CATSPERG: variants seen among roughly 807,000 people sequenced by gnomAD.
CATSPERG encodes the protein catsper channel auxiliary subunit gamma.
CATSPERG carries 115 observed loss-of-function variants against 145.0 expected under a neutral mutation model. The observed-to-expected ratio is 0.79, with a 90% CI of 0.68 to 0.93. The LOEUF (loss-of-function observed/expected upper bound fraction) is 0.93, where lower values mean the gene tolerates loss of function less well. CATSPERG is among the 40% of genes least tolerant of loss of function. The pLI is 0.00. For missense variants in CATSPERG, 1,296 were observed against 1,490.1 expected (o/e 0.87, Z 2.14); for synonymous variants, 588 against 589.0 (o/e 1.00, Z 0.02).
rs1969861509 is a variant in CATSPERG at position 38,337,490 on chromosome 19, A to G, written c.256A>G (p.Ile86Val). 6.4e-7 allele frequency: 1 copy of G among 1,551,976 alleles called. No individual in the cohort carries two copies. Among genetic ancestry groups the G allele is most frequent in the South Asian group, 1.2e-5 (1 of 84,066 alleles). ...GTTTCACATGCTGGTGGACTCACCC[A>G]TCGACCCGAGCGAGGTGAGGGGACC... ...SLFHMLVDSP[I>V]DPSEKYLGFP... The change falls in exon 2 of 29, where the codon ATC becomes GTC. Residue 86 changes from isoleucine to valine, a missense_variant. By Grantham distance (29) the Ile-to-Val change is conservative. Transcript: ENST00000409235.
At chr19:38,362,881 T>G (rs756597631) in intron 20 of CATSPERG, 49 bp downstream of exon 20, 27,333 of 1,241,256 alleles carry the variant, frequency 0.022, 337 homozygotes, top group East Asian at 0.13. Context: ...GTTTTTTTTT[T>G]TTTTTTTTTT....
At chr19:38,367,943 T>G (rs76313306) in intron 25 of CATSPERG, 105 bp from the exon 26 acceptor site, 6 of 1,186,034 alleles carry the variant, frequency 5.1e-6, no homozygotes, top group Non-Finnish European at 7.5e-6. Context: ...CCTAACACCA[T>G]GTCCCCTGCA....
intron 9 of CATSPERG, among the ~76,000 whole-genome samples, chr19:38,355,461 C>T (rs1970227179): frequency 6.6e-6 from 1 of 152,098 alleles, no homozygotes; most frequent in African/African-American, 2.4e-5. Flanking sequence ...CTTTGGGAGG[C>T]TGAGGTGGGT....
chr19:38,342,765 G>A (rs1333765011), intron 3 of CATSPERG, among the ~76,000 whole-genome samples: 6 of 151,842 alleles, frequency 4.0e-5, no homozygotes, highest in Admixed American at 6.6e-5. Context: ...GCCTTCTCTC[G>A]GGGACGCCTC....
intron 8 of CATSPERG, among the ~76,000 whole-genome samples, chr19:38,353,696 C>CAAA (rs34301376): frequency 2.2e-4 from 13 of 60,328 alleles, no homozygotes; most frequent in Admixed American, 7.5e-4. Context: ...GATGCCATCT[C>CAAA]AAAAAAAAAA....
In CATSPERG at chr19:38,352,253, C is replaced by T. The variant is rs955884518; in HGVS notation, c.826-8C>T. The T allele has an allele frequency of 1.3e-6, 2 of 1,551,062 alleles. No individual in the cohort carries two copies. Among genetic ancestry groups the T allele is most frequent in the Non-Finnish European group, 8.7e-7 (1 of 1,146,902 alleles). ...ACCTGCTCACCACTAGCCTCTGCTC[C>T]CCTGCAGCTGAGCATTGACAGTTGC... On this transcript the variant is annotated splice_polypyrimidine_tract_variant and splice_region_variant and intron_variant, in intron 7 of 28. Transcript: ENST00000409235.
intron 20 of CATSPERG, among the ~76,000 whole-genome samples, chr19:38,364,362 C>T (rs947455986): frequency 4.6e-5 from 7 of 151,634 alleles, no homozygotes; most frequent in African/African-American, 9.7e-5. Context: ...ACATCCCAGA[C>T]GGGGCAGCGG....
At chr19:38,362,070 T>G (rs1970357007) in intron 17 of CATSPERG, 140 bp from the exon 18 acceptor site, 3 of 1,037,814 alleles carry the variant, frequency 2.9e-6, no homozygotes, top group Middle Eastern at 3.1e-4. Flanking sequence ...AAGCAGGGTT[T>G]GGGGATGGGC....
chr19:38,361,795 G>T lies in CATSPERG; in HGVS notation c.2028G>T (p.Glu676Asp). 1 of 1,613,130 alleles carries T rather than the reference G, an allele frequency of 6.2e-7. No homozygotes were observed. The highest frequency in any genetic ancestry group is 8.5e-7 in the Non-Finnish European group (1 of 1,179,630). The change falls in exon 17 of 29, where the codon GAG becomes GAT. Residue 676 changes from glutamate to aspartate, a missense_variant. By Grantham distance (45) the Glu-to-Asp change is conservative. Coordinates refer to ENST00000409235, the MANE Select transcript of CATSPERG (RefSeq NM_021185.5). ...TGGAGCGCTCGGGCTTCCACAACGA[G>T]AACTCGCTCGCCATCTACCAGGGCC... Reference protein sequence around the residue: ...RVLERSGFHNENSLAIYQGLV... With the variant: ...RVLERSGFHNDNSLAIYQGLV...
At chr19:38,362,337 C>T (rs1970363827) in intron 18 of CATSPERG, 39 bp from the exon 19 acceptor site, 1 of 1,613,532 alleles carries the variant, frequency 6.2e-7, no homozygotes, top group Admixed American at 1.7e-5. Context: ...CGTGCCCCAC[C>T]CCCGGCGCTG....
At position 38,337,334 on chromosome 19, in the gene CATSPERG, A is replaced by G. The variant is rs1300903786; in HGVS notation, c.100A>G (p.Arg34Gly). The part of the protein sequence containing the change: ...ALLAVLLASW[R>G]LWAIKDFQEC... ...GCTGGCAGTGCTCCTGGCGTCGTGG[A>G]GGCTGTGGGCGATCAAGGATTTCCA... Residue 34 changes from arginine (R) to glycine (G), a missense_variant, in exon 2 of 29, where the codon AGG becomes GGG. By Grantham distance (125) the Arg-to-Gly change is moderately radical (BLOSUM62 -2). Coordinates refer to ENST00000409235, the MANE Select transcript of CATSPERG (RefSeq NM_021185.5). The G allele has an allele frequency of 3.9e-6, 6 of 1,551,430 alleles. No homozygotes were observed. The highest frequency in any genetic ancestry group is 2.0e-5 in the Admixed American group (1 of 50,972).
At position 38,337,640 on chromosome 19, in the gene CATSPERG, G is replaced by C; in HGVS notation, c.318G>C (p.Glu106Asp). 6.4e-7 allele frequency: 1 copy of C among 1,551,720 alleles called. No individual in the cohort carries two copies. Among genetic ancestry groups the C allele is most frequent in the Non-Finnish European group, 8.7e-7 (1 of 1,146,988 alleles). Residue 106 changes from glutamate to aspartate, a missense_variant, in exon 3 of 29, where the codon GAG (glutamate) becomes GAC (aspartate). Glu to Asp is a conservative substitution (Grantham distance 45). Coordinates refer to ENST00000409235, the MANE Select transcript of CATSPERG (RefSeq NM_021185.5). ...PYYLKINYSC[E>D]EKPSEDLVRM... ...ACCTGAAGATCAACTACTCCTGCGA[G>C]GAAAAGGTGAGTGGGTGCAGCACGG...
chr19:38,337,898 G>A lies in CATSPERG; in HGVS notation c.324+252G>A. The A allele has an allele frequency of 5.9e-6, 2 of 339,450 alleles. 1 individual carries two copies. Among genetic ancestry groups the A allele is most frequent in the Admixed American group, 8.7e-5 (2 of 22,912 alleles). 21.0% of individuals were successfully genotyped at this position (339,450 alleles called of 1,614,324 possible). ...CACGCCCGGCTAATTTTTGTATTTG[G>A]TAGAGACAGGGTTTCACCACGTTGC... On this transcript the variant is annotated intron_variant, in intron 3 of 28. Transcript: ENST00000409235.
In CATSPERG at chr19:38,356,862, G is replaced by A; in HGVS notation, c.1315+1G>A. The A allele has an allele frequency of 6.2e-7, 1 of 1,614,008 alleles. No homozygotes were observed. The highest frequency in any genetic ancestry group is 1.3e-5 in the African/African-American group (1 of 75,032). On this transcript the variant is annotated splice_donor_variant, in intron 11 of 28. Transcript: ENST00000409235. LOFTEE classifies it high-confidence loss of function. ...TTCCAGGTGGTCAGCTACAACACAG[G>A]TAATGAGGGTGATGCAAGGGGCTGG... is the stretch of plus-strand genomic sequence containing the variant.
chr19:38,339,468 T>G (rs1485451634), intron 3 of CATSPERG, among the ~76,000 whole-genome samples: 1 of 152,158 alleles, frequency 6.6e-6, no homozygotes, highest in African/African-American at 2.4e-5. Flanking sequence ...ATGTCAGACA[T>G]GCAAGCCCTG....
chr19:38,358,655 T>A, intron 13 of CATSPERG, 94 bp downstream of exon 13: 1 of 1,468,624 alleles, frequency 6.8e-7, no homozygotes, highest in Non-Finnish European at 9.4e-7. Context: ...TAGGCAAGTC[T>A]CACCAAGCCT....
chr19:38,365,206 C>A, intron 22 of CATSPERG, 89 bp downstream of exon 22: 2 of 1,121,864 alleles, frequency 1.8e-6, no homozygotes, highest in Non-Finnish European at 2.7e-6. Context: ...CCCACTAATG[C>A]ATTCATAATT....
In CATSPERG at chr19:38,370,542, T is replaced by C. The variant is rs761732467; in HGVS notation, c.3230T>C (p.Phe1077Ser). ...TCCCTGCAGGTGTCAGCTAGCGTGT[T>C]TGTGGGCCTGGTGATCTTCTACATC... The part of the protein sequence containing the change: ...LFIIMVSASV[F>S]VGLVIFYIAF... The change falls in exon 29 of 29, where the codon TTT (phenylalanine) becomes TCT (serine). Residue 1077 changes from phenylalanine (F) to serine (S), a missense_variant. Phe to Ser is a radical substitution (Grantham distance 155). Coordinates refer to ENST00000409235, the MANE Select transcript of CATSPERG (RefSeq NM_021185.5). 6.2e-7 allele frequency: 1 copy of C among 1,614,178 alleles called. No homozygotes were observed. The highest frequency in any genetic ancestry group is 8.5e-7 in the Non-Finnish European group (1 of 1,180,032).
chr19:38,354,069 A>C (rs1970201788), intron 8 of CATSPERG, among the ~76,000 whole-genome samples: 1 of 151,928 alleles, frequency 6.6e-6, no homozygotes, highest in South Asian at 2.1e-4. Flanking sequence ...TCTCAGTGAG[A>C]ACTGTCAGCT....
Sources: gnomAD v4.1 joint callset for allele counts (sites outside exome capture counted in the v4.1 genomes callset) on GRCh38, gnomAD v4.1.1 for gene constraint, MANE v1.5 for transcripts, NCBI Gene and HGNC (gene_info 2026-07-23, HGNC 2026-07-21) for gene names.